PHF14: variants seen among roughly 807,000 people sequenced by gnomAD.
PHF14 encodes PHD finger protein 14.
PHF14 carries 55 observed loss-of-function variants against 117.9 expected under a neutral mutation model. That is an observed-to-expected ratio of 0.47 (90% CI 0.38 to 0.58). PHF14 has a LOEUF of 0.58. PHF14 is among the 20% of genes least tolerant of loss of function. The probability of loss-of-function intolerance (pLI) is 0.00; values close to 1 mark genes in which losing one functional copy is unlikely to be tolerated. For synonymous variants in PHF14, 409 were observed against 368.6 expected (o/e 1.11, Z -1.26); for missense variants, 978 against 1,122.2 (o/e 0.87, Z 1.84).
chr7:11,039,179 A>G (rs1784420311), intron 11 of PHF14, among the ~76,000 whole-genome samples: 1 of 151,972 alleles, frequency 6.6e-6, no homozygotes, highest in Non-Finnish European at 1.5e-5. Context: ...TCTTTCCTTT[A>G]ATTTAGCAGT....
At chr7:10,979,560 T>C (rs1293441897) in intron 2 of PHF14, among the ~76,000 whole-genome samples, 1 of 151,476 alleles carries the variant, frequency 6.6e-6, no homozygotes, top group Non-Finnish European at 1.5e-5. Context: ...TCTCTTTTTT[T>C]TTTTTTTTTG....
chr7:11,162,993 A>G (rs1437990071), intron 17 of PHF14, among the ~76,000 whole-genome samples: 3 of 152,222 alleles, frequency 2.0e-5, no homozygotes, highest in African/African-American at 7.2e-5. Context: ...ATGTATTCCC[A>G]TACATGAAAT....
At position 11,036,452 on chromosome 7, in the gene PHF14, C is replaced by A; in HGVS notation, c.1637C>A (p.Ala546Asp). ...AATGCCCGGCTTCAGCAGTATCGTG[C>A]CAAAGCAGAACTAGCTCGATCTACC... is the stretch of plus-strand genomic sequence containing the variant. Reference protein sequence around the residue: ...RINARLQQYRAKAELARSTRP... With the variant: ...RINARLQQYRDKAELARSTRP... Residue 546 changes from alanine to aspartate, a missense_variant, in exon 9 of 18, where the codon GCC (alanine) becomes GAC (aspartate). This residue lies in a region of PHF14 where 237 missense variants were observed against 276.4 expected (regional missense o/e 0.86). Transcript: ENST00000634607. 6.2e-7 allele frequency: 1 copy of A among 1,613,630 alleles called. No homozygotes were observed. Among genetic ancestry groups the A allele is most frequent in the Non-Finnish European group, 8.5e-7 (1 of 1,179,648 alleles).
At chr7:11,072,057 G>C (rs560236846) in intron 16 of PHF14, among the ~76,000 whole-genome samples, 1 of 152,304 alleles carries the variant, frequency 6.6e-6, no homozygotes, top group African/African-American at 2.4e-5. Context: ...TTGCATAGCT[G>C]TAAAGAAATA....
At chr7:11,026,914 A>G (rs773165346) in intron 6 of PHF14, among the ~76,000 whole-genome samples, 4 of 152,048 alleles carry the variant, frequency 2.6e-5, no homozygotes, top group Non-Finnish European at 5.9e-5. Flanking sequence ...ATCAGATACA[A>G]TGTTGTAAAT....
chr7:11,004,246 CAAAAAAAAAAAA>C lies in PHF14; in HGVS notation c.1046-9489_1046-9478del, dbSNP rs55917513. On this transcript the variant is annotated intron_variant, in intron 4 of 17. Transcript: ENST00000634607. ...TGGGCTACAGAGGAAGACTTTGTCT[CAAAAAAAAAAAA>C]AAAAAAAAAAAGAAAAGAAAAAGAA... Among the ~76,000 whole-genome samples, 11 of 51,282 alleles carry C rather than the reference CAAAAAAAAAAAA, an allele frequency of 2.1e-4. No individual in the cohort carries two copies. In the East Asian group the frequency reaches 4.8e-3, roughly 22 times the overall value. The allele number at this position is 51,282 out of a possible 152,430, so 33.6% of individuals were successfully genotyped here.
chr7:11,149,507 G>T (rs1788647341), intron 17 of PHF14, among the ~76,000 whole-genome samples: 1 of 152,082 alleles, frequency 6.6e-6, no homozygotes, highest in Admixed American at 6.6e-5. Flanking sequence ...GCCCTTTAAA[G>T]AAAAATAATC....
intron 16 of PHF14, among the ~76,000 whole-genome samples, chr7:11,078,995 G>T (rs1265868169): frequency 6.6e-6 from 1 of 151,996 alleles, no homozygotes; most frequent in Admixed American, 6.6e-5. Flanking sequence ...ATGATATATG[G>T]TTGCTTTTTA....
At chr7:11,117,122 T>TA (rs1787620612) in intron 17 of PHF14, among the ~76,000 whole-genome samples, 1 of 151,964 alleles carries the variant, frequency 6.6e-6, no homozygotes, top group South Asian at 2.1e-4. Flanking sequence ...CTCCAGGTCA[T>TA]ATGTATTCAC....
intron 5 of PHF14, among the ~76,000 whole-genome samples, chr7:11,019,572 A>T (rs915424250): frequency 6.6e-6 from 1 of 152,104 alleles, no homozygotes; most frequent in Admixed American, 6.6e-5. Context: ...AATTTCTGCA[A>T]TATCAGTTAT....
chr7:11,061,211 T>C (rs1215568181), intron 14 of PHF14: 2 of 152,210 alleles, frequency 1.3e-5, no homozygotes, highest in East Asian at 1.9e-4. Flanking sequence ...TTCTGAAATA[T>C]AGGATGTGAA....
intron 13 of PHF14, among the ~76,000 whole-genome samples, chr7:11,049,423 C>T (rs575297360): frequency 6.7e-6 from 1 of 149,402 alleles, no homozygotes; most frequent in Non-Finnish European, 1.5e-5. Flanking sequence ...TGCAGTGAGC[C>T]GAGATCGTGC....
chr7:11,070,767 C>T (rs1006508110), intron 16 of PHF14, among the ~76,000 whole-genome samples: 12 of 152,190 alleles, frequency 7.9e-5, no homozygotes, highest in Non-Finnish European at 1.6e-4. Flanking sequence ...CCATTTATTT[C>T]TAATGACCGT....
At chr7:11,012,159 G>A (rs1400783767) in intron 4 of PHF14, among the ~76,000 whole-genome samples, 2 of 152,156 alleles carry the variant, frequency 1.3e-5, no homozygotes, top group African/African-American at 4.8e-5. Context: ...GATTTACCAA[G>A]ATATTGTCAA....
chr7:11,040,620 G>GC, intron 11 of PHF14, 52 bp from the exon 12 acceptor site: 1 of 922,378 alleles, frequency 1.1e-6, no homozygotes, highest in Non-Finnish European at 1.6e-6. Context: ...GGAAAATGTT[G>GC]CTTTTATTTC....
chr7:11,038,525 G>A (rs949648925), intron 10 of PHF14, among the ~76,000 whole-genome samples: 6 of 151,534 alleles, frequency 4.0e-5, no homozygotes, highest in African/African-American at 1.5e-4. Context: ...GGATGTGGTG[G>A]TGCACACCTG....
intron 16 of PHF14, chr7:11,106,480 T>G: frequency 1.1e-6 from 1 of 948,010 alleles, no homozygotes; most frequent in Non-Finnish European, 1.3e-6. Context: ...TTACAAGGAA[T>G]AAAATATTGT....
intron 14 of PHF14, among the ~76,000 whole-genome samples, chr7:11,056,172 T>G (rs1785012599): frequency 1.3e-5 from 2 of 152,170 alleles, no homozygotes; most frequent in Admixed American, 6.5e-5. Context: ...GTGGGTGTCC[T>G]TAGCTCAAGT....
At chr7:11,126,853 CAAAA>C (rs1426280192) in intron 17 of PHF14, among the ~76,000 whole-genome samples, 2 of 150,830 alleles carry the variant, frequency 1.3e-5, no homozygotes, top group Non-Finnish European at 3.0e-5. Flanking sequence ...TAAAAAGAGA[CAAAA>C]AAGTGGTTTT....
Sources: gnomAD v4.1 joint callset for allele counts (sites outside exome capture counted in the v4.1 genomes callset) on GRCh38, gnomAD v4.1.1 for gene constraint, gnomAD v4.1.1 regional missense constraint, MANE v1.5 for transcripts, NCBI Gene and HGNC (gene_info 2026-07-23, HGNC 2026-07-21) for gene names.